Variants in SGCZ observed in about 807,000 individuals in gnomAD.
The protein encoded by SGCZ is zeta-sarcoglycan.
SGCZ carries 40 observed loss-of-function variants against 41.3 expected under a neutral mutation model. The observed-to-expected ratio is 0.97, with a 90% CI of 0.75 to 1.26. The LOEUF (loss-of-function observed/expected upper bound fraction) is 1.26. Ranked by LOEUF, SGCZ falls within the 50% of genes most tolerant of loss-of-function variation. SGCZ has a pLI of 0.00. For missense variants in SGCZ, 552 were observed against 369.8 expected, an observed-to-expected ratio of 1.49 and a Z score of -4.04; for synonymous variants, 206 against 137.5, an observed-to-expected ratio of 1.50 and a Z score of -3.49.
intron 1 of SGCZ, among the ~76,000 whole-genome samples, chr8:14,864,246 A>G (rs1803850885): frequency 6.6e-6 from 1 of 151,662 alleles, no homozygotes; most frequent in Non-Finnish European, 1.5e-5. Flanking sequence ...CATGTTTCCT[A>G]TTTTTTTTCT....
At chr8:14,623,804 G>A (rs1806361995) in intron 1 of SGCZ, among the ~76,000 whole-genome samples, 1 of 152,116 alleles carries the variant, frequency 6.6e-6, no homozygotes, top group Non-Finnish European at 1.5e-5. Context: ...CAATAATTTA[G>A]ACCATAGCTG....
intron 1 of SGCZ, among the ~76,000 whole-genome samples, chr8:14,688,131 C>T (rs1296613880): frequency 6.6e-6 from 1 of 151,948 alleles, no homozygotes; most frequent in South Asian, 2.1e-4. Context: ...AAATTTTCTC[C>T]CATTTTGTAG....
At chr8:14,128,063 G>C (rs1387428526) in intron 5 of SGCZ, among the ~76,000 whole-genome samples, 2 of 152,150 alleles carry the variant, frequency 1.3e-5, no homozygotes, top group Non-Finnish European at 2.9e-5. Context: ...AAGGATAATA[G>C]CTATCATTAA....
At chr8:14,868,642 G>A (rs1473506749) in intron 1 of SGCZ, among the ~76,000 whole-genome samples, 3 of 152,070 alleles carry the variant, frequency 2.0e-5, no homozygotes, top group Non-Finnish European at 4.4e-5. Context: ...ATATTGATGG[G>A]AAAGAGACAA....
intron 1 of SGCZ, among the ~76,000 whole-genome samples, chr8:15,105,530 C>G (rs182355583): frequency 2.6e-5 from 4 of 151,928 alleles, no homozygotes; most frequent in East Asian, 1.9e-4. Flanking sequence ...GAAGTGATAC[C>G]CACTTTTAAA....
chr8:14,316,076 T>C (rs182535027), intron 3 of SGCZ, among the ~76,000 whole-genome samples: 4 of 152,016 alleles, frequency 2.6e-5, no homozygotes, highest in Non-Finnish European at 5.9e-5. Context: ...AAAGTCTCCA[T>C]GACTAGGCAA....
At chr8:15,014,799 C>A (rs796956056) in intron 1 of SGCZ, among the ~76,000 whole-genome samples, 2 of 152,216 alleles carry the variant, frequency 1.3e-5, no homozygotes, top group East Asian at 1.9e-4. Flanking sequence ...GACAGCCTCA[C>A]AATTCTGTCC....
At chr8:14,301,446 A>C (rs1053054222) in intron 3 of SGCZ, among the ~76,000 whole-genome samples, 1 of 152,020 alleles carries the variant, frequency 6.6e-6, no homozygotes, top group Non-Finnish European at 1.5e-5. Flanking sequence ...CCTGTTTTAC[A>C]CTCAGATTCA....
chr8:14,334,436 G>T (rs1802439812), intron 2 of SGCZ, among the ~76,000 whole-genome samples: 1 of 152,022 alleles, frequency 6.6e-6, no homozygotes, highest in South Asian at 2.1e-4. Context: ...TACTCATCCA[G>T]AACACAAGTC....
At position 14,128,616 on chromosome 8, in the gene SGCZ, C is replaced by G. The variant is rs143546777; in HGVS notation, c.548-20381G>C. On this transcript the variant is annotated intron_variant, in intron 5 of 7. Transcript: ENST00000382080. ...TTGTAACTACATGTTTACTGCAGCACTATTCACAATATCAAAATCATGGAA... is the reference window on the plus strand; with the variant it reads ...TTGTAACTACATGTTTACTGCAGCAGTATTCACAATATCAAAATCATGGAA... Among the ~76,000 whole-genome samples the G allele has an allele frequency of 6.2e-3, 947 of 152,202 alleles. 6 individuals carry two copies. The highest frequency in any genetic ancestry group is 0.022 in the African/African-American group (901 of 41,528).
chr8:14,770,151 A>G (rs1200167446), intron 1 of SGCZ, among the ~76,000 whole-genome samples: 1 of 70,706 alleles, frequency 1.4e-5, no homozygotes, highest in Non-Finnish European at 2.4e-5. Flanking sequence ...TATACATAAT[A>G]TATTTAACAG....
At chr8:15,025,225 A>G (rs1803411638) in intron 1 of SGCZ, among the ~76,000 whole-genome samples, 1 of 152,208 alleles carries the variant, frequency 6.6e-6, no homozygotes, top group Non-Finnish European at 1.5e-5. Flanking sequence ...CTTCCCGCAC[A>G]CACACAACTG....
chr8:14,425,647 A>C (rs1799761059), intron 2 of SGCZ, among the ~76,000 whole-genome samples: 1 of 151,910 alleles, frequency 6.6e-6, no homozygotes, highest in South Asian at 2.1e-4. Flanking sequence ...AGAAAAAAAA[A>C]AAGAAAAGTA....
chr8:14,448,432 G>T (rs1800497255), intron 2 of SGCZ, among the ~76,000 whole-genome samples: 1 of 152,152 alleles, frequency 6.6e-6, no homozygotes, highest in Non-Finnish European at 1.5e-5. Flanking sequence ...ACACTTTACT[G>T]CACAGAATCC....
chr8:14,287,444 G>GAA (rs71764885), intron 3 of SGCZ, among the ~76,000 whole-genome samples: 32,243 of 151,478 alleles, frequency 0.21, 3,606 homozygotes, highest in East Asian at 0.3. Context: ...CTGTCTGGTG[G>GAA]AAAAAAAGTG....
intron 1 of SGCZ, among the ~76,000 whole-genome samples, chr8:14,702,731 TGATAGATAGATAGATAGATAGATA>T (rs35625599): frequency 5.5e-5 from 5 of 91,264 alleles, no homozygotes; most frequent in African/African-American, 1.8e-4. Flanking sequence ...CTGGCTTCAA[TGATAGATAGATAGATAGATAGATA>T]GATAGATAGA....
intron 1 of SGCZ, among the ~76,000 whole-genome samples, chr8:15,192,896 T>G (rs1372317175): frequency 6.6e-6 from 1 of 152,020 alleles, no homozygotes; most frequent in Non-Finnish European, 1.5e-5. Context: ...AAGGAACATT[T>G]AAAAAAATAT....
intron 5 of SGCZ, among the ~76,000 whole-genome samples, chr8:14,157,228 C>T (rs1481793297): frequency 4.0e-5 from 6 of 150,246 alleles, no homozygotes; most frequent in East Asian, 3.9e-4. Flanking sequence ...TATATGTGGT[C>T]CTTCATTGGC....
At chr8:15,172,531 T>A (rs1799875525) in intron 1 of SGCZ, among the ~76,000 whole-genome samples, 1 of 152,142 alleles carries the variant, frequency 6.6e-6, no homozygotes, top group African/African-American at 2.4e-5. Context: ...GCAAACCATT[T>A]AACCATTCTA....
Sources: gnomAD v4.1 joint callset for allele counts (sites outside exome capture counted in the v4.1 genomes callset) on GRCh38, gnomAD v4.1.1 for gene constraint, MANE v1.5 for transcripts, NCBI Gene and HGNC (gene_info 2026-07-23, HGNC 2026-07-21) for gene names.